AGBL4: variants seen among roughly 807,000 people sequenced by gnomAD.
AGBL4 encodes cytosolic carboxypeptidase 6.
AGBL4 carries 58 observed loss-of-function variants against 66.4 expected under a neutral mutation model. That is an observed-to-expected ratio of 0.87 (90% CI 0.71 to 1.09). The LOEUF is 1.09. Ranked by LOEUF, AGBL4 falls within the 50% of genes least tolerant of loss-of-function variation. The probability of loss-of-function intolerance (pLI) is 0.00; values close to 1 mark genes in which losing one functional copy is unlikely to be tolerated. For synonymous variants in AGBL4, 234 were observed against 222.9 expected (o/e 1.05, Z -0.44); for missense variants, 579 against 631.0 (o/e 0.92, Z 0.88).
intron 12 of AGBL4, among the ~76,000 whole-genome samples, chr1:48,538,807 T>C (rs910000444): frequency 1.3e-5 from 2 of 152,206 alleles, no homozygotes; most frequent in African/African-American, 4.8e-5. Flanking sequence ...CCCACATACA[T>C]GAGCAAGGTC....
chr1:48,627,223 C>T (rs1052686691), intron 9 of AGBL4, among the ~76,000 whole-genome samples: 7 of 152,152 alleles, frequency 4.6e-5, no homozygotes, highest in African/African-American at 1.4e-4. Flanking sequence ...GAACAGACCT[C>T]GGTTTAATTG....
chr1:49,232,499 C>T (rs866976773), intron 4 of AGBL4, among the ~76,000 whole-genome samples: 5 of 151,952 alleles, frequency 3.3e-5, no homozygotes, highest in African/African-American at 1.2e-4. Flanking sequence ...GAGATCGAGA[C>T]CATCCTGGCT....
intron 3 of AGBL4, among the ~76,000 whole-genome samples, chr1:49,344,419 GT>G (rs1645599222): frequency 6.6e-6 from 1 of 152,160 alleles, no homozygotes; most frequent in South Asian, 2.1e-4. Flanking sequence ...GAAAAATGTG[GT>G]TTTTGCCTAG....
chr1:48,819,746 C>T (rs766150160), intron 6 of AGBL4, among the ~76,000 whole-genome samples: 8 of 152,324 alleles, frequency 5.3e-5, no homozygotes, highest in Non-Finnish European at 8.8e-5. Context: ...CTTTGCAAGA[C>T]TCTTAATAGG....
intron 6 of AGBL4, among the ~76,000 whole-genome samples, chr1:48,843,241 T>C (rs1161109773): frequency 6.6e-6 from 1 of 152,124 alleles, no homozygotes; most frequent in Non-Finnish European, 1.5e-5. Flanking sequence ...AATTGCCTTA[T>C]TTTGGAACAA....
chr1:49,625,901 G>A (rs777416839), intron 3 of AGBL4, among the ~76,000 whole-genome samples: 49 of 152,112 alleles, frequency 3.2e-4, no homozygotes, highest in Non-Finnish European at 5.3e-4. Context: ...AACAGTGCCT[G>A]AGAATGATCA....
intron 3 of AGBL4, among the ~76,000 whole-genome samples, chr1:49,496,706 C>CT (rs1448466089): frequency 4.1e-5 from 6 of 145,700 alleles, no homozygotes; most frequent in Admixed American, 3.6e-4. Context: ...ACAGGATTTC[C>CT]TTTTTTAAGG....
intron 2 of AGBL4, among the ~76,000 whole-genome samples, chr1:49,821,536 G>C (rs1229631426): frequency 6.6e-6 from 1 of 152,178 alleles, no homozygotes; most frequent in African/African-American, 2.4e-5. Flanking sequence ...AGATTATCTT[G>C]AATGTATAAG....
intron 4 of AGBL4, among the ~76,000 whole-genome samples, chr1:49,136,848 C>T (rs889366362): frequency 9.9e-5 from 15 of 152,078 alleles, no homozygotes; most frequent in Non-Finnish European, 1.5e-4. Flanking sequence ...GCTGTTTATA[C>T]TGTAATTCAA....
Position 49,652,619 on chromosome 1 carries a change from G to A in AGBL4, c.282+44694C>T, listed in dbSNP as rs375403533. Among the ~76,000 whole-genome samples the A allele has an allele frequency of 3.2e-4, 49 of 152,264 alleles. 1 individual carries two copies. The South Asian group carries it at 9.5e-3, about 30-fold the overall frequency. ...GGGTAGGGATGGCCACCATCACTAG[G>A]GCTCCAGTTGGTTGTTTTCCCCTGC... On this transcript the variant is annotated intron_variant, in intron 3 of 13. Coordinates refer to ENST00000371839, the MANE Select transcript of AGBL4 (RefSeq NM_032785.4).
intron 3 of AGBL4, among the ~76,000 whole-genome samples, chr1:49,558,803 C>A (rs1643964174): frequency 6.6e-6 from 1 of 152,132 alleles, no homozygotes; most frequent in Non-Finnish European, 1.5e-5. Context: ...AGTATTCTGG[C>A]AGTACTCTCC....
At chr1:49,139,310 T>C (rs556383360) in intron 4 of AGBL4, among the ~76,000 whole-genome samples, 3 of 152,160 alleles carry the variant, frequency 2.0e-5, no homozygotes, top group Admixed American at 6.5e-5. Flanking sequence ...CAGGGGTCAT[T>C]ATTTCCATTT....
At chr1:48,626,814 G>GCCCCAA (rs1645510743) in intron 9 of AGBL4, among the ~76,000 whole-genome samples, 2 of 152,182 alleles carry the variant, frequency 1.3e-5, no homozygotes, top group African/African-American at 4.8e-5. Flanking sequence ...AAGGTTTGGG[G>GCCCCAA]ACCCACAGTC....
intron 5 of AGBL4, among the ~76,000 whole-genome samples, chr1:49,025,299 G>A (rs1472401958): frequency 3.3e-5 from 5 of 152,152 alleles, no homozygotes; most frequent in Admixed American, 3.3e-4. Flanking sequence ...TTCGCTGGGT[G>A]ACTCAGGAAA....
chr1:49,677,485 A>T (rs190724352), intron 3 of AGBL4, among the ~76,000 whole-genome samples: 70 of 152,250 alleles, frequency 4.6e-4, no homozygotes, highest in Admixed American at 3.0e-3. Context: ...TTATATATTG[A>T]TAAATTCTCT....
intron 1 of AGBL4, among the ~76,000 whole-genome samples, chr1:49,988,210 A>C (rs1005325212): frequency 6.6e-6 from 1 of 152,164 alleles, no homozygotes; most frequent in Non-Finnish European, 1.5e-5. Context: ...ACCTGAAGCG[A>C]ATAAAAATAA....
chr1:49,142,837 CTTCA>C (rs1435395586), intron 4 of AGBL4, among the ~76,000 whole-genome samples: 6 of 152,124 alleles, frequency 3.9e-5, no homozygotes, highest in African/African-American at 1.4e-4. Context: ...CTATTCCTTT[CTTCA>C]TTTTCTTCTC....
At chr1:49,386,154 T>C (rs984690448) in intron 3 of AGBL4, among the ~76,000 whole-genome samples, 2 of 152,028 alleles carry the variant, frequency 1.3e-5, no homozygotes, top group African/African-American at 4.8e-5. Flanking sequence ...TCCCACATCA[T>C]TTCTTAAACA....
intron 6 of AGBL4, among the ~76,000 whole-genome samples, chr1:48,758,241 G>A (rs1644052128): frequency 6.6e-6 from 1 of 152,106 alleles, no homozygotes; most frequent in African/African-American, 2.4e-5. Context: ...ACCAAAACAA[G>A]TCCAGACATC....
Sources: allele counts gnomAD v4.1 joint callset (sites outside exome capture counted in the v4.1 genomes callset), GRCh38; gene constraint gnomAD v4.1.1; transcripts MANE v1.5; gene names NCBI Gene and HGNC (gene_info 2026-07-23, HGNC 2026-07-21).